The following DNAH9 variants were observed in gnomAD, a reference collection of about 807,000 sequenced individuals.
DNAH9 encodes the protein DNAH9 variant protein.
In DNAH9, 345 loss-of-function variants were observed where a neutral mutation model predicts 471.6. That is an observed-to-expected ratio of 0.73 (90% CI 0.67 to 0.80). The LOEUF (loss-of-function observed/expected upper bound fraction) is 0.80. DNAH9 is among the 30% of genes least tolerant of loss of function. DNAH9 has a pLI of 0.00. For synonymous variants in DNAH9, 2,093 were observed against 2,123.6 expected (o/e 0.99, Z 0.40); for missense variants, 5,407 against 5,609.2 (o/e 0.96, Z 1.15).
chr17:11,694,516 G>A, intron 22 of DNAH9, 69 bp downstream of exon 22: 1 of 1,575,038 alleles, frequency 6.3e-7, no homozygotes, highest in Non-Finnish European at 8.7e-7. Context: ...GGCAGTTTCT[G>A]GCTCCCCATC....
intron 67 of DNAH9, 40 bp from the exon 68 acceptor site, chr17:11,961,827 C>A: frequency 6.4e-7 from 1 of 1,552,906 alleles, no homozygotes. Flanking sequence ...AGGGACTTCC[C>A]ACCTTCTCAC....
intron 1 of DNAH9, among the ~76,000 whole-genome samples, chr17:11,600,731 C>G (rs928377058): frequency 7.9e-5 from 12 of 152,172 alleles, no homozygotes; most frequent in African/African-American, 2.7e-4. Context: ...ATCCTCCTGC[C>G]TTGGCCTCCC....
At chr17:11,837,832 A>G (rs1405767671) in intron 49 of DNAH9, among the ~76,000 whole-genome samples, 1 of 152,076 alleles carries the variant, frequency 6.6e-6, no homozygotes, top group African/African-American at 2.4e-5. Flanking sequence ...ACCCACGCCA[A>G]CCTTCCTGCT....
chr17:11,632,234 C>G (rs192726866), intron 7 of DNAH9, among the ~76,000 whole-genome samples: 2 of 152,282 alleles, frequency 1.3e-5, no homozygotes, highest in African/African-American at 2.4e-5. Flanking sequence ...GAAATAGCCC[C>G]ATTGCTGGGG....
chr17:11,722,046 C>A (rs1230111474), intron 27 of DNAH9, among the ~76,000 whole-genome samples: 1 of 152,154 alleles, frequency 6.6e-6, no homozygotes, highest in Non-Finnish European at 1.5e-5. Flanking sequence ...CTCATTCTGA[C>A]TTCACCCCAT....
At chr17:11,933,627 G>A (rs1246467097) in intron 64 of DNAH9, among the ~76,000 whole-genome samples, 3 of 152,084 alleles carry the variant, frequency 2.0e-5, no homozygotes, top group East Asian at 1.9e-4. Context: ...TGATCCACCC[G>A]CCTCGGCCTC....
chr17:11,866,864 G>T (rs557215779), intron 50 of DNAH9, among the ~76,000 whole-genome samples: 8 of 152,328 alleles, frequency 5.3e-5, no homozygotes, highest in Non-Finnish European at 1.0e-4. Context: ...GTTTTTTAAG[G>T]CCATCGGAAA....
chr17:11,634,574 T>C (rs2073126120), intron 8 of DNAH9, among the ~76,000 whole-genome samples: 1 of 152,234 alleles, frequency 6.6e-6, no homozygotes, highest in African/African-American at 2.4e-5. Flanking sequence ...CGGAAAAGTC[T>C]GCTCTCTTAT....
rs867370987 is a variant in DNAH9, at chr17:11,768,526, G to C, written c.7244G>C (p.Gly2415Ala). ...AAAACAGTCAAGTTTCCTTCCCAAG[G>C]AACCATCTTTGACTATTACATCGAC... The part of the protein sequence containing the change: ...EFKTVKFPSQ[G>A]TIFDYYIDPE... The change falls in exon 37 of 69, where the codon GGA (glycine) becomes GCA (alanine). Residue 2415 changes from glycine (G) to alanine (A), a missense_variant. Transcript: ENST00000262442. 3 of 1,614,062 alleles carry C rather than the reference G, an allele frequency of 1.9e-6. No homozygotes were observed. Among genetic ancestry groups the C allele is most frequent in the Non-Finnish European group, 2.5e-6 (3 of 1,180,048 alleles).
intron 59 of DNAH9, among the ~76,000 whole-genome samples, chr17:11,895,924 A>G (rs916706219): frequency 5.9e-5 from 9 of 152,254 alleles, no homozygotes; most frequent in African/African-American, 2.2e-4. Flanking sequence ...TCATCTCAGG[A>G]AATTCTAGGC....
intron 67 of DNAH9, among the ~76,000 whole-genome samples, chr17:11,948,172 A>C (rs1306182372): frequency 1.3e-5 from 2 of 150,860 alleles, no homozygotes; most frequent in Non-Finnish European, 2.9e-5. Flanking sequence ...TAAAGATGTG[A>C]AGCTGTTCAA....
At chr17:11,943,153 C>T (rs574404463) in intron 67 of DNAH9, among the ~76,000 whole-genome samples, 1 of 151,964 alleles carries the variant, frequency 6.6e-6, no homozygotes, top group East Asian at 2.0e-4. Context: ...CTCAGCCTCC[C>T]AAAGTGCTGG....
At chr17:11,708,008 CACACACAG>C (rs1567737021) in intron 26 of DNAH9, among the ~76,000 whole-genome samples, 70 of 47,188 alleles carry the variant, frequency 1.5e-3, no homozygotes, top group African/African-American at 3.9e-3. Flanking sequence ...CACACACACA[CACACACAG>C]AGAGAGAGAG....
intron 65 of DNAH9, among the ~76,000 whole-genome samples, chr17:11,936,569 G>A (rs1271656444): frequency 6.6e-6 from 1 of 152,172 alleles, no homozygotes; most frequent in East Asian, 1.9e-4. Flanking sequence ...GGGAGGTGGA[G>A]GCTTTAGTGA....
chr17:11,716,546 A>G (rs1413701912), intron 26 of DNAH9, among the ~76,000 whole-genome samples: 4 of 152,132 alleles, frequency 2.6e-5, no homozygotes, highest in Non-Finnish European at 5.9e-5. Flanking sequence ...TGTTCTTGTG[A>G]GGGGAAGACA....
At chr17:11,840,472 C>G (rs1216371282) in intron 49 of DNAH9, among the ~76,000 whole-genome samples, 1 of 152,072 alleles carries the variant, frequency 6.6e-6, no homozygotes, top group Non-Finnish European at 1.5e-5. Context: ...ATACATATAT[C>G]TTTATTGTTT....
At chr17:11,620,136 G>A (rs912994097) in intron 6 of DNAH9, among the ~76,000 whole-genome samples, 1 of 151,540 alleles carries the variant, frequency 6.6e-6, no homozygotes, top group East Asian at 2.0e-4. Context: ...GATGGCTTGA[G>A]CATAGGAGGC....
At chr17:11,729,497 A>G (rs913792126) in intron 28 of DNAH9, among the ~76,000 whole-genome samples, 8 of 152,212 alleles carry the variant, frequency 5.3e-5, no homozygotes, top group Non-Finnish European at 1.0e-4. Context: ...TTTTATTTCC[A>G]AAGCAGTATG....
At chr17:11,871,524 T>C in intron 51 of DNAH9, 74 bp from the exon 52 acceptor site, 2 of 1,399,546 alleles carry the variant, frequency 1.4e-6, no homozygotes, top group Non-Finnish European at 2.0e-6. Context: ...GCGGGCGCTC[T>C]CCATGATGGA....
Sources: gnomAD v4.1 joint callset for allele counts (sites outside exome capture counted in the v4.1 genomes callset) on GRCh38, gnomAD v4.1.1 for gene constraint, MANE v1.5 for transcripts, NCBI Gene and HGNC (gene_info 2026-07-23, HGNC 2026-07-21) for gene names.